Variants in GRID1 observed in about 807,000 individuals in gnomAD.
GRID1 encodes the protein glutamate ionotropic receptor delta type subunit 1.
A neutral mutation model predicts 98.0 loss-of-function variants in GRID1; 28 were observed. The observed-to-expected ratio is 0.29, with a 90% CI of 0.21 to 0.39. GRID1 has a LOEUF of 0.39. Ranked by LOEUF, GRID1 falls within the 10% of genes least tolerant of loss-of-function variation. The probability of loss-of-function intolerance (pLI) is 1.00; values close to 1 mark genes in which losing one functional copy is unlikely to be tolerated. For synonymous variants in GRID1, 553 were observed against 538.5 expected, an observed-to-expected ratio of 1.03 and a Z score of -0.37; for missense variants, 1,111 against 1,340.5, an observed-to-expected ratio of 0.83 and a Z score of 2.67.
chr10:85,760,540 C>T (rs1218973170), intron 8 of GRID1, among the ~76,000 whole-genome samples: 2 of 152,186 alleles, frequency 1.3e-5, no homozygotes, highest in Non-Finnish European at 1.5e-5. Context: ...ACTATAACAA[C>T]TCAACAGAAG....
At chr10:86,065,809 C>A (rs1179399884) in intron 4 of GRID1, among the ~76,000 whole-genome samples, 1 of 152,208 alleles carries the variant, frequency 6.6e-6, no homozygotes, top group African/African-American at 2.4e-5. Flanking sequence ...GATATTTCAG[C>A]AGAAGATGAA....
At chr10:86,033,259 G>A (rs1843211448) in intron 4 of GRID1, among the ~76,000 whole-genome samples, 1 of 152,096 alleles carries the variant, frequency 6.6e-6, no homozygotes, top group Non-Finnish European at 1.5e-5. Flanking sequence ...AAATGTTATG[G>A]TAACAAATTG....
At chr10:86,146,714 A>C (rs934423302) in intron 3 of GRID1, among the ~76,000 whole-genome samples, 3 of 152,162 alleles carry the variant, frequency 2.0e-5, no homozygotes, top group African/African-American at 7.2e-5. Context: ...GTTCCAGAGC[A>C]GCAGAATTTT....
At chr10:86,024,844 C>A (rs1373695438) in intron 4 of GRID1, among the ~76,000 whole-genome samples, 2 of 152,164 alleles carry the variant, frequency 1.3e-5, no homozygotes, top group Non-Finnish European at 1.5e-5. Context: ...TGGGTATCCC[C>A]ACCCCTATCT....
chr10:86,344,407 A>T (rs1179246450), intron 2 of GRID1, among the ~76,000 whole-genome samples: 1 of 152,206 alleles, frequency 6.6e-6, no homozygotes, highest in African/African-American at 2.4e-5. Context: ...TCCAGTGTCA[A>T]AGATGATTCA....
intron 2 of GRID1, among the ~76,000 whole-genome samples, chr10:86,360,867 C>T (rs1848591612): frequency 6.6e-6 from 1 of 152,170 alleles, no homozygotes; most frequent in African/African-American, 2.4e-5. Flanking sequence ...TAAGCTCCAC[C>T]AGGCTCTTAT....
At chr10:86,284,910 T>C (rs1227028823) in intron 2 of GRID1, among the ~76,000 whole-genome samples, 1 of 151,920 alleles carries the variant, frequency 6.6e-6, no homozygotes, top group Non-Finnish European at 1.5e-5. Flanking sequence ...GTCTGCAGAG[T>C]GGTTCAGGAC....
chr10:85,642,207 A>G (rs1843129064), intron 13 of GRID1, among the ~76,000 whole-genome samples: 1 of 152,220 alleles, frequency 6.6e-6, no homozygotes, highest in South Asian at 2.1e-4. Flanking sequence ...CAGCATGTAA[A>G]TAAATGAGTT....
chr10:86,284,161 C>T (rs1158310428), intron 2 of GRID1, among the ~76,000 whole-genome samples: 1 of 151,712 alleles, frequency 6.6e-6, no homozygotes, highest in African/African-American at 2.4e-5. Context: ...CACACATCTG[C>T]TCTCACACAC....
At chr10:86,028,096 C>T (rs1057244635) in intron 4 of GRID1, among the ~76,000 whole-genome samples, 6 of 152,208 alleles carry the variant, frequency 3.9e-5, no homozygotes, top group African/African-American at 1.4e-4. Flanking sequence ...TCACAAGACG[C>T]TGAGATGCCA....
In GRID1 at chr10:85,743,105, G is replaced by GCCCCCCCCCCCC. The variant is rs4031782; in HGVS notation, c.1234-13492_1234-13491insGGGGGGGGGGGG. 6.9e-4 allele frequency among the ~76,000 whole-genome samples: 57 copies of GCCCCCCCCCCCC among 82,670 alleles called. 2 individuals carry two copies. Among genetic ancestry groups the GCCCCCCCCCCCC allele is most frequent in the Admixed American group, 1.4e-3 (8 of 5,574 alleles). The allele number at this position is 82,670 out of a possible 152,430, so 54.2% of individuals were successfully genotyped here. On this transcript the variant is annotated intron_variant, in intron 8 of 15. Coordinates refer to ENST00000327946, the MANE Select transcript of GRID1 (RefSeq NM_017551.3). ...AACCCTTGGAGGATAGAATTATGCAGCCCCCCCCCCCACCACCCATTGAGA... is the reference window on the plus strand; with the variant it reads ...AACCCTTGGAGGATAGAATTATGCAGCCCCCCCCCCCCCCCCCCCCCCCACCACCCATTGAGA...
chr10:85,969,074 C>G (rs1399867535), intron 4 of GRID1, among the ~76,000 whole-genome samples: 1 of 152,098 alleles, frequency 6.6e-6, no homozygotes, highest in Admixed American at 6.5e-5. Context: ...GACTTTAAGA[C>G]AAAAGTGCTA....
rs112172621 is a variant in GRID1 at position 85,685,625 on chromosome 10, C to T, written c.1997+37378G>A. Among the ~76,000 whole-genome samples, 789 of 151,948 alleles carry T rather than the reference C, an allele frequency of 5.2e-3. 2 individuals carry two copies. The highest frequency in any genetic ancestry group is 0.018 in the African/African-American group (740 of 41,456). ...TCTTAGAGACAAACTAGGTTGGAGA[C>T]GTGGATATAATAGTTACATAGATTT... On this transcript the variant is annotated intron_variant, in intron 12 of 15. Transcript: ENST00000327946.
At chr10:85,774,320 T>C (rs1191811228) in intron 8 of GRID1, among the ~76,000 whole-genome samples, 2 of 152,116 alleles carry the variant, frequency 1.3e-5, no homozygotes, top group Non-Finnish European at 2.9e-5. Context: ...ATACAAAAAT[T>C]AATTCAAGAT....
intron 5 of GRID1, among the ~76,000 whole-genome samples, chr10:85,870,788 G>A (rs1843271044): frequency 6.6e-6 from 1 of 152,180 alleles, no homozygotes; most frequent in South Asian, 2.1e-4. Flanking sequence ...GGGGCAGAAG[G>A]AACAGTGGTC....
chr10:85,776,263 C>T (rs1226977509), intron 8 of GRID1, among the ~76,000 whole-genome samples: 12 of 152,124 alleles, frequency 7.9e-5, no homozygotes, highest in Admixed American at 7.9e-4. Flanking sequence ...AGCACTTCAC[C>T]TATGCAATGT....
chr10:86,246,630 C>G (rs1000343230), intron 2 of GRID1, among the ~76,000 whole-genome samples: 2 of 152,216 alleles, frequency 1.3e-5, no homozygotes, highest in African/African-American at 4.8e-5. Context: ...TTCCAGGTCC[C>G]TCCATCCACC....
At chr10:86,127,837 C>T (rs1230396753) in intron 4 of GRID1, among the ~76,000 whole-genome samples, 2 of 152,140 alleles carry the variant, frequency 1.3e-5, no homozygotes, top group Non-Finnish European at 2.9e-5. Flanking sequence ...TGTTTGACCC[C>T]AACAGCCCCA....
rs190713147 is a variant in GRID1 at position 86,195,243 on chromosome 10, C to T, written c.520+11121G>A. ...AACAGCCAAGCAAAACCCACTTCTA[C>T]ATTTGCTGTAAAGGTTGAGCTGGAA... On this transcript the variant is annotated intron_variant, in intron 3 of 15. Coordinates refer to ENST00000327946, the MANE Select transcript of GRID1 (RefSeq NM_017551.3). This position sits in a 1 kb window ranked among gnomAD's most constrained non-coding sequence, Gnocchi z 4.4. Among the ~76,000 whole-genome samples, 2,010 of 152,162 alleles carry T rather than the reference C, an allele frequency of 0.013. 50 individuals carry two copies. Among genetic ancestry groups the T allele is most frequent in the African/African-American group, 0.045 (1,888 of 41,540 alleles).
Sources: allele counts gnomAD v4.1 joint callset (sites outside exome capture counted in the v4.1 genomes callset), GRCh38; gene constraint gnomAD v4.1.1; non-coding constraint Gnocchi (gnomAD v3.1); transcripts MANE v1.5; gene names NCBI Gene and HGNC (gene_info 2026-07-23, HGNC 2026-07-21).